The following MBOAT1 variants were observed in gnomAD, a reference collection of about 807,000 sequenced individuals.
The protein encoded by MBOAT1 is membrane-bound glycerophospholipid O-acyltransferase 1.
MBOAT1 carries 67 observed loss-of-function variants against 64.4 expected under a neutral mutation model. The ratio of observed to expected loss-of-function variants is 1.04; its 90% CI spans 0.85 to 1.27. MBOAT1 has a LOEUF of 1.27. Ranked by LOEUF, MBOAT1 falls within the 50% of genes most tolerant of loss-of-function variation. The pLI, the probability that MBOAT1 is intolerant of heterozygous loss-of-function variation, is 0.00. For missense variants in MBOAT1, 563 were observed against 604.6 expected, an observed-to-expected ratio of 0.93 and a Z score of 0.72; for synonymous variants, 229 against 218.9, an observed-to-expected ratio of 1.05 and a Z score of -0.41.
chr6:20,135,313 T>A (rs887261524), intron 4 of MBOAT1, among the ~76,000 whole-genome samples: 1 of 152,056 alleles, frequency 6.6e-6, no homozygotes, highest in Admixed American at 6.6e-5. Context: ...TAGGAAAAAT[T>A]AAGAGAAAAC....
chr6:20,108,875 G>A (rs1760036406), intron 12 of MBOAT1, among the ~76,000 whole-genome samples: 1 of 152,196 alleles, frequency 6.6e-6, no homozygotes, highest in Non-Finnish European at 1.5e-5. Context: ...GAAAACACAG[G>A]TAAAAGAGGC....
intron 1 of MBOAT1, among the ~76,000 whole-genome samples, chr6:20,211,540 C>A (rs942858413): frequency 3.3e-5 from 5 of 152,120 alleles, no homozygotes; most frequent in African/African-American, 4.8e-5. Context: ...CCCCTCTCCT[C>A]CCCCTAACCT....
intron 1 of MBOAT1, among the ~76,000 whole-genome samples, chr6:20,207,844 G>C (rs1242093986): frequency 1.3e-5 from 2 of 152,212 alleles, no homozygotes; most frequent in African/African-American, 2.4e-5. Flanking sequence ...CTACAAACCT[G>C]TGCAGTGCCT....
At position 20,100,659 on chromosome 6, in the gene MBOAT1, T is replaced by C. The variant is rs1360457365; in HGVS notation, c.*1627A>G. Among the ~76,000 whole-genome samples, 1 of 152,228 alleles carries C rather than the reference T, an allele frequency of 6.6e-6. No homozygotes were observed. Among genetic ancestry groups the C allele is most frequent in the African/African-American group, 2.4e-5 (1 of 41,452 alleles). ...AGCAGTAGGACACCTTATGGACCTG[T>C]GTCTCTATTGACACAGACAAAAAGC... is the stretch of plus-strand genomic sequence containing the variant. On this transcript the variant is annotated 3_prime_UTR_variant, in exon 13 of 13. Coordinates refer to ENST00000324607, the MANE Select transcript of MBOAT1 (RefSeq NM_001080480.3).
chr6:20,212,229 T>C lies in MBOAT1; in HGVS notation c.6A>G (p.Ala2=). 6.2e-7 allele frequency: 1 copy of C among 1,611,872 alleles called. No homozygotes were observed. The highest frequency in any genetic ancestry group is 1.1e-5 in the South Asian group (1 of 90,814). M[A]AEPQPSSLSY... ...AAAGGCTGGACGGCTGCGGCTCTGC[T>C]GCCATCCTGCATCTTCGGGAGGTGG... The change falls in exon 1 of 13, where the codon GCA becomes GCG. Residue 2 remains alanine, a synonymous_variant. Coordinates refer to ENST00000324607, the MANE Select transcript of MBOAT1 (RefSeq NM_001080480.3).
At chr6:20,161,996 C>G (rs1443955143) in intron 1 of MBOAT1, among the ~76,000 whole-genome samples, 1 of 152,126 alleles carries the variant, frequency 6.6e-6, no homozygotes, top group Non-Finnish European at 1.5e-5. Flanking sequence ...GTCCTTGGCT[C>G]CAGATGGCCG....
chr6:20,181,954 G>A (rs4712460), intron 1 of MBOAT1, among the ~76,000 whole-genome samples: 61,361 of 152,074 alleles, frequency 0.4, 14,126 homozygotes, highest in Admixed American at 0.56. Flanking sequence ...CTCTAGAGTC[G>A]GAACAATTAT....
At chr6:20,196,095 G>A (rs1464573076) in intron 1 of MBOAT1, among the ~76,000 whole-genome samples, 1 of 152,176 alleles carries the variant, frequency 6.6e-6, no homozygotes, top group Non-Finnish European at 1.5e-5. Context: ...AAAGTACAAA[G>A]ACTCCCGTGA....
chr6:20,109,734 T>A lies in MBOAT1; in HGVS notation c.1225A>T (p.Arg409Ter), dbSNP rs1760069258. 7 of 1,613,850 alleles carry A rather than the reference T, an allele frequency of 4.3e-6. No individual in the cohort carries two copies. The East Asian group carries it at 1.6e-4, about 36-fold the overall frequency. Residue 409 changes from arginine (R) to a stop codon, truncating the protein, a stop_gained, in exon 12 of 13, where the codon AGA (arginine) becomes TGA (stop). Transcript: ENST00000324607. LOFTEE classifies it high-confidence loss of function. ...GCTCTTGAAGAAAGGAAGTAATGTC[T>A]GTAGTTGTTCCTGACCTGCAGGCCA... is the stretch of plus-strand genomic sequence containing the variant. ...LAARAVRNNY[R>*]HYFLSSRALK...
At position 20,133,116 on chromosome 6, in the gene MBOAT1, C is replaced by A. The variant is rs144801452; in HGVS notation, c.420-1917G>T. Among the ~76,000 whole-genome samples the A allele has an allele frequency of 3.5e-3, 528 of 152,290 alleles. 3 individuals carry two copies. Among genetic ancestry groups the A allele is most frequent in the African/African-American group, 0.011 (471 of 41,572 alleles). On this transcript the variant is annotated intron_variant, in intron 4 of 12. Transcript: ENST00000324607. ...TTTATATCTTATTTGCAATATCTTT[C>A]TATCTTACAGCCCAATGGCCAGCGT...
chr6:20,181,208 C>G (rs184319615), intron 1 of MBOAT1, among the ~76,000 whole-genome samples: 5 of 152,096 alleles, frequency 3.3e-5, no homozygotes, highest in African/African-American at 1.2e-4. Flanking sequence ...GGTGACTCCC[C>G]GCTCCCCAGG....
rs141957418 is a variant in MBOAT1 at position 20,146,854 on chromosome 6, A to G, written c.324-2539T>C. Among the ~76,000 whole-genome samples the G allele has an allele frequency of 7.2e-3, 1,103 of 152,324 alleles. 17 individuals are homozygous for G. The highest frequency in any genetic ancestry group is 0.025 in the African/African-American group (1,019 of 41,566). On this transcript the variant is annotated intron_variant, in intron 3 of 12. Transcript: ENST00000324607. ...CCAAACCTAAAACATCTAAGGAATC[A>G]AGAAGTGGTAGTGAGAACATGTATT...
intron 1 of MBOAT1, among the ~76,000 whole-genome samples, chr6:20,209,721 G>A (rs961060327): frequency 3.9e-5 from 6 of 152,170 alleles, no homozygotes; most frequent in South Asian, 4.1e-4. Context: ...AATGGGACAG[G>A]AGCAAACACG....
Position 20,102,204 on chromosome 6 carries a change from C to G in MBOAT1, c.*82G>C. 1 of 1,444,560 alleles carries G rather than the reference C, an allele frequency of 6.9e-7. No individual in the cohort carries two copies. Among genetic ancestry groups the G allele is most frequent in the Non-Finnish European group, 9.4e-7 (1 of 1,064,828 alleles). The allele number at this position is 1,444,560 out of a possible 1,614,324, so 89.5% of individuals were successfully genotyped here. A position where few individuals can be genotyped will look rare whatever the true frequency, so the allele number is the denominator to read the frequency against. On this transcript the variant is annotated 3_prime_UTR_variant, in exon 13 of 13. Coordinates refer to ENST00000324607, the MANE Select transcript of MBOAT1 (RefSeq NM_001080480.3). Reference sequence around the variant, plus strand: ...GATGCATGTAAACATCGCCTCTAAGCCACCGGAGGAGCCCTTGAAGCCTTG... The same window carrying G: ...GATGCATGTAAACATCGCCTCTAAGGCACCGGAGGAGCCCTTGAAGCCTTG...
chr6:20,148,233 A>G (rs1225730427), intron 3 of MBOAT1, among the ~76,000 whole-genome samples: 1 of 152,340 alleles, frequency 6.6e-6, no homozygotes, highest in Admixed American at 6.5e-5. Flanking sequence ...CCTGGCCAAC[A>G]TGGTGAAACC....
chr6:20,100,838 CATT>C lies in MBOAT1; in HGVS notation c.*1445_*1447del, dbSNP rs67112243. On this transcript the variant is annotated 3_prime_UTR_variant, in exon 13 of 13. Coordinates refer to ENST00000324607, the MANE Select transcript of MBOAT1 (RefSeq NM_001080480.3). Reference sequence around the variant, plus strand: ...GCAGCATATACTTTATTATTATCATCATTATTATTTTCCACAACATTTAATACC... The same window carrying C: ...GCAGCATATACTTTATTATTATCATCATTATTTTCCACAACATTTAATACC... Among the ~76,000 whole-genome samples, 11,628 of 151,742 alleles carry C rather than the reference CATT, an allele frequency of 0.077. 596 individuals are homozygous for C. The highest frequency in any genetic ancestry group is 0.15 in the African/African-American group (6,183 of 41,122).
At position 20,114,802 on chromosome 6, in the gene MBOAT1, T is replaced by C. The variant is rs149720507; in HGVS notation, c.1076+486A>G. On this transcript the variant is annotated intron_variant, in intron 10 of 12. Coordinates refer to ENST00000324607, the MANE Select transcript of MBOAT1 (RefSeq NM_001080480.3). ...GGGAGGCTGAGGCAGGAGAATTGCT[T>C]GAACCCGGGAGGCAGAGGTTGCAAT... Among the ~76,000 whole-genome samples the C allele has an allele frequency of 7.9e-5, 12 of 151,684 alleles. No homozygotes were observed. The East Asian group carries it at 2.1e-3, about 27-fold the overall frequency.
Position 20,111,504 on chromosome 6 carries a change from T to C in MBOAT1, c.1209+1372A>G, listed in dbSNP as rs149108451. Among the ~76,000 whole-genome samples the C allele has an allele frequency of 5.5e-3, 834 of 152,232 alleles. 7 individuals are homozygous for C. Among genetic ancestry groups the C allele is most frequent in the African/African-American group, 0.019 (796 of 41,542 alleles). On this transcript the variant is annotated intron_variant, in intron 11 of 12. Transcript: ENST00000324607. Reference sequence around the variant, plus strand: ...ATCCGCTACCTAATTCGTTTGCGAATAGTGTTTCCAGGCCATCCAAAAGAA... The same window carrying C: ...ATCCGCTACCTAATTCGTTTGCGAACAGTGTTTCCAGGCCATCCAAAAGAA...
At chr6:20,161,433 C>A (rs781630029) in intron 1 of MBOAT1, among the ~76,000 whole-genome samples, 1 of 151,954 alleles carries the variant, frequency 6.6e-6, no homozygotes, top group East Asian at 1.9e-4. Context: ...TCATCCCCAT[C>A]CCCCACCCCC....
Sources: allele counts gnomAD v4.1 joint callset (sites outside exome capture counted in the v4.1 genomes callset), GRCh38; gene constraint gnomAD v4.1.1; transcripts MANE v1.5; gene names NCBI Gene and HGNC (gene_info 2026-07-23, HGNC 2026-07-21).